Variants in CERKL observed in about 807,000 individuals in gnomAD.
CERKL encodes ceramide kinase-like protein.
A neutral mutation model predicts 63.4 loss-of-function variants in CERKL; 61 were observed. The ratio of observed to expected loss-of-function variants is 0.96; its 90% CI spans 0.78 to 1.19. The LOEUF is 1.19. Ranked by LOEUF, CERKL falls within the 50% of genes most tolerant of loss-of-function variation. The probability of loss-of-function intolerance (pLI) is 0.00; values close to 1 mark genes in which losing one functional copy is unlikely to be tolerated. For synonymous variants in CERKL, 250 were observed against 230.5 expected (o/e 1.08, Z -0.77); for missense variants, 675 against 655.5 (o/e 1.03, Z -0.33).
At position 181,656,767 on chromosome 2, in the gene CERKL, A is replaced by G. The variant is rs1436566598; in HGVS notation, c.238+2T>C. The G allele has an allele frequency of 1.3e-6, 2 of 1,588,162 alleles. No homozygotes were observed. The highest frequency in any genetic ancestry group is 1.7e-6 in the Non-Finnish European group (2 of 1,166,748). On this transcript the variant is annotated splice_donor_variant, in intron 1 of 12. Transcript: ENST00000410087. LOFTEE classifies it high-confidence loss of function. ...CGAAGACGCTTGGGGCCGGGCACTCACCCGCCGGGCGCTCGGGCTGAATGG... is the reference window on the plus strand; with the variant it reads ...CGAAGACGCTTGGGGCCGGGCACTCGCCCGCCGGGCGCTCGGGCTGAATGG...
intron 2 of CERKL, among the ~76,000 whole-genome samples, chr2:181,589,601 G>A (rs932464180): frequency 6.6e-6 from 1 of 152,070 alleles, no homozygotes; most frequent in Non-Finnish European, 1.5e-5. Context: ...CTTGTTTTGG[G>A]ACAACTGGGT....
intron 1 of CERKL, among the ~76,000 whole-genome samples, chr2:181,640,221 T>C (rs946783339): frequency 6.6e-6 from 1 of 152,186 alleles, no homozygotes; most frequent in Admixed American, 6.5e-5. Flanking sequence ...TTCAACTTCA[T>C]GCCTCTCTCT....
chr2:181,636,936 T>C (rs1687205142), intron 1 of CERKL, among the ~76,000 whole-genome samples: 1 of 152,206 alleles, frequency 6.6e-6, no homozygotes, highest in African/African-American at 2.4e-5. Flanking sequence ...TCCTGAAGAT[T>C]GTGAATATCT....
intron 1 of CERKL, among the ~76,000 whole-genome samples, chr2:181,606,619 T>C (rs921859979): frequency 2.0e-5 from 3 of 149,806 alleles, no homozygotes; most frequent in Admixed American, 1.3e-4. Flanking sequence ...TTCTCAATTA[T>C]TGTGGTCATG....
chr2:181,623,968 A>G (rs1306273602), intron 1 of CERKL, among the ~76,000 whole-genome samples: 1 of 152,148 alleles, frequency 6.6e-6, no homozygotes, highest in Non-Finnish European at 1.5e-5. Context: ...ATCAGTAAAT[A>G]TCTGAATTTT....
chr2:181,560,687 A>C (rs1559078037), intron 4 of CERKL, among the ~76,000 whole-genome samples: 1 of 152,176 alleles, frequency 6.6e-6, no homozygotes, highest in Non-Finnish European at 1.5e-5. Flanking sequence ...ACTAGTAAGT[A>C]ATAGAACAGG....
intron 1 of CERKL, among the ~76,000 whole-genome samples, chr2:181,611,434 G>A (rs1008334204): frequency 1.3e-5 from 2 of 151,966 alleles, no homozygotes; most frequent in East Asian, 3.9e-4. Flanking sequence ...TGAGGCAGGA[G>A]GATAACTTGA....
At chr2:181,653,311 G>A (rs1040070346) in intron 1 of CERKL, among the ~76,000 whole-genome samples, 7 of 152,216 alleles carry the variant, frequency 4.6e-5, no homozygotes, top group African/African-American at 1.4e-4. Context: ...CCGGTGGTAT[G>A]ATTGTAAACT....
In CERKL at chr2:181,537,101, A is replaced by ACTTTATGACATTTAT. The variant is rs1559062842; in HGVS notation, c.*1068_*1082dup. 2.2e-6 allele frequency: 1 copy of ACTTTATGACATTTAT among 452,508 alleles called. No individual in the cohort carries two copies. The highest frequency in any genetic ancestry group is 1.6e-5 in the South Asian group (1 of 64,258). 28.0% of individuals were successfully genotyped at this position (452,508 alleles called of 1,614,324 possible). A position where few individuals can be genotyped will look rare whatever the true frequency, so the allele number is the denominator to read the frequency against. Reference sequence around the variant, plus strand: ...CCAGAGTGTGTATACACAGGAATAAACTTTATGACATTTATGTATTTTTAA... The same window carrying ACTTTATGACATTTAT: ...CCAGAGTGTGTATACACAGGAATAAACTTTATGACATTTATCTTTATGACATTTATGTATTTTTAA... On this transcript the variant is annotated 3_prime_UTR_variant, in exon 13 of 13. Coordinates refer to ENST00000410087, the MANE Select transcript of CERKL (RefSeq NM_201548.5).
intron 8 of CERKL, chr2:181,548,129 C>T (rs1408032581): frequency 3.5e-6 from 2 of 566,656 alleles, no homozygotes; most frequent in Non-Finnish European, 3.1e-6. Context: ...TTGTATTACA[C>T]ACTAGACCAA....
intron 3 of CERKL, among the ~76,000 whole-genome samples, chr2:181,572,050 G>A (rs1163330620): frequency 6.6e-6 from 1 of 152,026 alleles, no homozygotes; most frequent in Non-Finnish European, 1.5e-5. Flanking sequence ...GCAAAGTTAT[G>A]GCACAAACTC....
At chr2:181,567,731 T>C (rs1688725176) in intron 3 of CERKL, among the ~76,000 whole-genome samples, 1 of 152,134 alleles carries the variant, frequency 6.6e-6, no homozygotes, top group Admixed American at 6.5e-5. Flanking sequence ...GCTAATGAAA[T>C]AATGAATTAT....
chr2:181,538,506 C>T (rs943009412), intron 12 of CERKL, among the ~76,000 whole-genome samples: 2 of 25,282 alleles, frequency 7.9e-5, no homozygotes, highest in Non-Finnish European at 1.6e-4. Flanking sequence ...GCCTCTAGAA[C>T]ACCCATGTCT....
intron 2 of CERKL, among the ~76,000 whole-genome samples, chr2:181,578,565 TAGGA>T (rs1053129327): frequency 6.6e-5 from 10 of 150,954 alleles, no homozygotes; most frequent in Non-Finnish European, 8.8e-5. Context: ...CCCAAAGTGC[TAGGA>T]TTACAGGTAT....
Position 181,539,188 on chromosome 2 carries a change from T to C in CERKL, c.1442A>G (p.Asn481Ser), listed in dbSNP as rs753105205. ...VHPRNNTGGY[N>S]PEEEEDETAS... is the part of the protein sequence containing the mutation. ...AGTTTCATCCTCCTCCTCCTCTGGA[T>C]TATATCCACCAGTATTATTCCTTGG... The change falls in exon 12 of 13, where the codon AAT becomes AGT. Residue 481 changes from asparagine to serine, a missense_variant. Coordinates refer to ENST00000410087, the MANE Select transcript of CERKL (RefSeq NM_201548.5). 6.2e-7 allele frequency: 1 copy of C among 1,605,336 alleles called. No individual in the cohort carries two copies. The highest frequency in any genetic ancestry group is 2.2e-5 in the East Asian group (1 of 44,738).
At chr2:181,589,847 A>T (rs1174745754) in intron 2 of CERKL, among the ~76,000 whole-genome samples, 1 of 152,114 alleles carries the variant, frequency 6.6e-6, no homozygotes, top group Non-Finnish European at 1.5e-5. Flanking sequence ...TATTTAGAGA[A>T]ATGGTCTCAC....
At chr2:181,540,580 G>A (rs537533175) in intron 11 of CERKL, among the ~76,000 whole-genome samples, 3 of 152,136 alleles carry the variant, frequency 2.0e-5, no homozygotes, top group Non-Finnish European at 2.9e-5. Flanking sequence ...GAGGGATGCA[G>A]CTGTAAGCCA....
At chr2:181,627,279 C>T (rs1686751048) in intron 1 of CERKL, among the ~76,000 whole-genome samples, 1 of 152,052 alleles carries the variant, frequency 6.6e-6, no homozygotes. Flanking sequence ...ATCCTGAGTG[C>T]CTCCTAAAGC....
chr2:181,560,295 A>C (rs1257214856), intron 4 of CERKL, among the ~76,000 whole-genome samples: 2 of 152,198 alleles, frequency 1.3e-5, no homozygotes, highest in Non-Finnish European at 2.9e-5. Context: ...AGCACCAAAT[A>C]ACTTGACCCT....
Sources: gnomAD v4.1 joint callset for allele counts (sites outside exome capture counted in the v4.1 genomes callset) on GRCh38, gnomAD v4.1.1 for gene constraint, MANE v1.5 for transcripts, NCBI Gene and HGNC (gene_info 2026-07-23, HGNC 2026-07-21) for gene names.